NR2C2: variants seen among roughly 807,000 people sequenced by gnomAD.
NR2C2 encodes the protein Nuclear hormone receptor TR4.
NR2C2 carries 6 observed loss-of-function variants against 62.9 expected under a neutral mutation model. That is an observed-to-expected ratio of 0.10 (90% CI 0.05 to 0.19). The LOEUF is 0.19. Ranked by LOEUF, NR2C2 falls within the 10% of genes least tolerant of loss-of-function variation. The pLI, the probability that NR2C2 is intolerant of heterozygous loss-of-function variation, is 1.00. For missense variants in NR2C2, 479 were observed against 762.7 expected, an observed-to-expected ratio of 0.63 and a Z score of 4.38; for synonymous variants, 272 against 273.8, an observed-to-expected ratio of 0.99 and a Z score of 0.07.
chr3:14,997,755 G>A (rs1041705995), intron 1 of NR2C2, among the ~76,000 whole-genome samples: 3 of 152,102 alleles, frequency 2.0e-5, no homozygotes, highest in Non-Finnish European at 4.4e-5. Flanking sequence ...TAATAGCCCA[G>A]TAATGAATTA....
At chr3:14,995,753 C>T (rs1222166752) in intron 1 of NR2C2, among the ~76,000 whole-genome samples, 1 of 151,580 alleles carries the variant, frequency 6.6e-6, no homozygotes, top group Non-Finnish European at 1.5e-5. Flanking sequence ...GAGGAACTGC[C>T]AGACTGTTTT....
chr3:14,965,864 C>T (rs1384851549), intron 1 of NR2C2, among the ~76,000 whole-genome samples: 1 of 152,054 alleles, frequency 6.6e-6, no homozygotes, highest in Non-Finnish European at 1.5e-5. Context: ...AGGGTTTCGC[C>T]TTGTTGGCCA....
chr3:14,968,275 C>A (rs1157133658), intron 1 of NR2C2, among the ~76,000 whole-genome samples: 1 of 152,162 alleles, frequency 6.6e-6, no homozygotes. Context: ...CTACAATGAA[C>A]TCAAAGAAAT....
intron 4 of NR2C2, among the ~76,000 whole-genome samples, chr3:15,017,046 G>A (rs1238510812): frequency 1.3e-5 from 2 of 152,196 alleles, no homozygotes; most frequent in Non-Finnish European, 1.5e-5. Context: ...TGTGATGGCT[G>A]CTTGGTTCCA....
At chr3:14,960,526 G>T in intron 1 of NR2C2, among the ~76,000 whole-genome samples, 1 of 152,108 alleles carries the variant, frequency 6.6e-6, no homozygotes, top group East Asian at 1.9e-4. Flanking sequence ...ATAATTTGAT[G>T]TATCAAGCCA....
At chr3:15,005,225 C>T (rs941106033) in intron 2 of NR2C2, among the ~76,000 whole-genome samples, 9 of 151,796 alleles carry the variant, frequency 5.9e-5, no homozygotes, top group Admixed American at 1.3e-4. Context: ...CTTGCTCTGT[C>T]ACCCAGGCTG....
intron 1 of NR2C2, among the ~76,000 whole-genome samples, chr3:14,993,228 C>T (rs535436128): frequency 6.6e-6 from 1 of 152,176 alleles, no homozygotes; most frequent in African/African-American, 2.4e-5. Flanking sequence ...CCAAGACAGG[C>T]GGATCACCTG....
intron 9 of NR2C2, among the ~76,000 whole-genome samples, chr3:15,031,370 A>T (rs569847116): frequency 1.4e-5 from 2 of 145,782 alleles, no homozygotes; most frequent in South Asian, 4.4e-4. Flanking sequence ...TTCCCCCAGT[A>T]TTTTTTTTTT....
chr3:14,979,719 T>C (rs2040310042), intron 1 of NR2C2, among the ~76,000 whole-genome samples: 1 of 151,256 alleles, frequency 6.6e-6, no homozygotes, highest in Non-Finnish European at 1.5e-5. Flanking sequence ...TAATGAAGAG[T>C]CCTGTGTGGC....
intron 2 of NR2C2, among the ~76,000 whole-genome samples, chr3:15,011,605 G>A (rs2041355429): frequency 6.6e-6 from 1 of 152,174 alleles, no homozygotes; most frequent in African/African-American, 2.4e-5. Context: ...AATGATGAAA[G>A]TTTCTTCCTT....
chr3:15,035,031 G>A (rs1169774452), intron 11 of NR2C2, among the ~76,000 whole-genome samples: 3 of 152,196 alleles, frequency 2.0e-5, no homozygotes, highest in East Asian at 1.9e-4. Flanking sequence ...GGTGGCTCAC[G>A]CCTGTAATCC....
At chr3:15,002,576 G>GC (rs761929297) in intron 1 of NR2C2, among the ~76,000 whole-genome samples, 2 of 149,534 alleles carry the variant, frequency 1.3e-5, no homozygotes, top group Non-Finnish European at 3.0e-5. Context: ...GGTAATATTG[G>GC]CCTCACAGAA....
chr3:14,969,873 T>C (rs1321678122), intron 1 of NR2C2, among the ~76,000 whole-genome samples: 1 of 152,180 alleles, frequency 6.6e-6, no homozygotes, highest in Non-Finnish European at 1.5e-5. Context: ...AAGGGAATGT[T>C]TAAAAACATA....
At chr3:15,023,803 G>C (rs2041743298) in intron 6 of NR2C2, among the ~76,000 whole-genome samples, 1 of 152,212 alleles carries the variant, frequency 6.6e-6, no homozygotes, top group South Asian at 2.1e-4. Context: ...AGTTGAGGAT[G>C]CCTTGCTGAT....
intron 1 of NR2C2, among the ~76,000 whole-genome samples, chr3:14,958,665 T>C (rs1159834016): frequency 6.6e-6 from 1 of 152,226 alleles, no homozygotes; most frequent in Non-Finnish European, 1.5e-5. Flanking sequence ...ATCAAAACAA[T>C]AGGATTTTTT....
chr3:15,012,070 C>T (rs2041371000), intron 2 of NR2C2, among the ~76,000 whole-genome samples: 1 of 152,148 alleles, frequency 6.6e-6, no homozygotes, highest in South Asian at 2.1e-4. Flanking sequence ...GTGTTTGACT[C>T]GTAGTGGGTG....
chr3:14,973,278 T>C (rs543371237), intron 1 of NR2C2, among the ~76,000 whole-genome samples: 46 of 152,274 alleles, frequency 3.0e-4, no homozygotes, highest in African/African-American at 1.1e-3. Context: ...CAGGCTGGAA[T>C]GCATTGGCAC....
chr3:14,974,539 T>C (rs1168254488), intron 1 of NR2C2, among the ~76,000 whole-genome samples: 3 of 152,150 alleles, frequency 2.0e-5, no homozygotes, highest in African/African-American at 7.2e-5. Flanking sequence ...TTTCCACTTA[T>C]TTATGTTGTC....
intron 1 of NR2C2, among the ~76,000 whole-genome samples, chr3:14,994,475 A>T (rs1412351255): frequency 8.7e-6 from 1 of 114,598 alleles, no homozygotes; most frequent in Non-Finnish European, 1.6e-5. Context: ...GCAGAGTCTC[A>T]CCCTGTCGCC....
Sources: gnomAD v4.1 joint callset for allele counts (sites outside exome capture counted in the v4.1 genomes callset) on GRCh38, gnomAD v4.1.1 for gene constraint, MANE v1.5 for transcripts, NCBI Gene and HGNC (gene_info 2026-07-23, HGNC 2026-07-21) for gene names.